The following SLC38A9 variants were observed in gnomAD, a reference collection of about 807,000 sequenced individuals.
The protein encoded by SLC38A9 is neutral amino acid transporter 9.
A neutral mutation model predicts 62.3 loss-of-function variants in SLC38A9; 48 were observed. The observed-to-expected ratio is 0.77, with a 90% confidence interval of 0.61 to 0.98. The LOEUF is 0.98. Ranked by LOEUF, SLC38A9 falls within the 50% of genes least tolerant of loss-of-function variation. The pLI is 0.00. For synonymous variants in SLC38A9, 204 were observed against 227.7 expected, an observed-to-expected ratio of 0.90 and a Z score of 0.94; for missense variants, 541 against 679.8, an observed-to-expected ratio of 0.80 and a Z score of 2.27.
At chr5:55,712,176 C>T (rs1263170697) in intron 1 of SLC38A9, 41 bp downstream of exon 1, 1 of 152,454 alleles carries the variant, frequency 6.6e-6, no homozygotes, top group Non-Finnish European at 1.5e-5. Context: ...CTTCCCACCT[C>T]CCCGAGGGGC....
chr5:55,649,359 T>C (rs993166253), intron 10 of SLC38A9, 45 bp from the exon 11 acceptor site: 6 of 1,191,064 alleles, frequency 5.0e-6, no homozygotes, highest in Non-Finnish European at 7.1e-6. Context: ...TTTGTGTGTT[T>C]TACAGATTAT....
intron 2 of SLC38A9, among the ~76,000 whole-genome samples, chr5:55,700,359 C>CAAAAAAAAAAAAAAAAGAAAAA (rs145225219): frequency 7.2e-6 from 1 of 138,950 alleles, no homozygotes; most frequent in Non-Finnish European, 1.5e-5. Context: ...ATAAAACAAG[C>CAAAAAAAAAAAAAAAAGAAAAA]CAAAAAAAAA....
At chr5:55,672,347 G>C (rs777916037) in intron 4 of SLC38A9, among the ~76,000 whole-genome samples, 1 of 152,192 alleles carries the variant, frequency 6.6e-6, no homozygotes, top group Non-Finnish European at 1.5e-5. Flanking sequence ...AAAATCTCCA[G>C]GTTGTTGTCA....
chr5:55,685,045 T>C (rs536266815), intron 3 of SLC38A9, among the ~76,000 whole-genome samples: 3 of 152,354 alleles, frequency 2.0e-5, no homozygotes, highest in South Asian at 2.1e-4. Context: ...CTTTGTCTTC[T>C]TCCTGATTTA....
chr5:55,654,869 TCTCA>T (rs1276900431), intron 9 of SLC38A9, among the ~76,000 whole-genome samples: 1 of 152,062 alleles, frequency 6.6e-6, no homozygotes, highest in African/African-American at 2.4e-5. Flanking sequence ...TGAGACAGGA[TCTCA>T]CTCACTCAGG....
At chr5:55,698,803 T>G (rs1158364733) in intron 2 of SLC38A9, among the ~76,000 whole-genome samples, 1 of 151,786 alleles carries the variant, frequency 6.6e-6, no homozygotes, top group Admixed American at 6.6e-5. Context: ...TGGTGGCACA[T>G]GCCTGTAGTC....
chr5:55,660,519 C>T (rs745975535), intron 8 of SLC38A9, among the ~76,000 whole-genome samples: 1 of 152,248 alleles, frequency 6.6e-6, no homozygotes, highest in Middle Eastern at 3.4e-3. Context: ...TGGAAATGTT[C>T]TATTTCTTGA....
At chr5:55,674,433 C>T (rs571784917) in intron 3 of SLC38A9, among the ~76,000 whole-genome samples, 1 of 152,098 alleles carries the variant, frequency 6.6e-6, no homozygotes, top group Non-Finnish European at 1.5e-5. Context: ...AGATTAATGA[C>T]GTTATCTTGG....
intron 9 of SLC38A9, among the ~76,000 whole-genome samples, chr5:55,653,987 A>C (rs1217984841): frequency 6.6e-6 from 1 of 151,974 alleles, no homozygotes; most frequent in Non-Finnish European, 1.5e-5. Flanking sequence ...ACTGATCTAC[A>C]AGTGGCAATT....
At chr5:55,662,686 C>CAA (rs1491345220) in intron 8 of SLC38A9, among the ~76,000 whole-genome samples, 373 of 41,838 alleles carry the variant, frequency 8.9e-3, no homozygotes, top group African/African-American at 0.021. Context: ...CAAAAAAAAA[C>CAA]CAAAAAAAAA....
intron 2 of SLC38A9, among the ~76,000 whole-genome samples, chr5:55,711,084 G>A (rs918990614): frequency 2.0e-5 from 3 of 151,848 alleles, no homozygotes; most frequent in Admixed American, 2.0e-4. Context: ...CTTGAGATCA[G>A]GAGTTCAAGA....
At chr5:55,660,896 C>A (rs1387802396) in intron 8 of SLC38A9, among the ~76,000 whole-genome samples, 2 of 151,932 alleles carry the variant, frequency 1.3e-5, no homozygotes, top group African/African-American at 4.8e-5. Flanking sequence ...TTAAAAATGA[C>A]GGAATGTTGA....
At chr5:55,659,520 A>C (rs1329613881) in intron 8 of SLC38A9, among the ~76,000 whole-genome samples, 1 of 150,204 alleles carries the variant, frequency 6.7e-6, no homozygotes, top group Non-Finnish European at 1.5e-5. Context: ...CCTGAGTAGC[A>C]GTGATTACAG....
rs35843566 is a variant in SLC38A9, at chr5:55,649,117, TAA to T, written c.1060+88_1060+89del. 409 of 559,182 alleles carry T rather than the reference TAA, an allele frequency of 7.3e-4. 3 individuals carry two copies. Among genetic ancestry groups the T allele is most frequent in the South Asian group, 9.0e-4 (18 of 19,980 alleles). The allele number at this position is 559,182 out of a possible 1,614,324, so 34.6% of individuals were successfully genotyped here. On this transcript the variant is annotated intron_variant, in intron 11 of 15. Coordinates refer to ENST00000396865, the MANE Select transcript of SLC38A9 (RefSeq NM_173514.4). The stretch of plus-strand genomic sequence containing the variant: ...ATAGCATTTATAAAAATGCTCAGCA[TAA>T]AAAAAAAATCATTACTTGTTTTAGA...
intron 14 of SLC38A9, among the ~76,000 whole-genome samples, chr5:55,629,016 A>T (rs1167467655): frequency 2.0e-5 from 3 of 151,820 alleles, no homozygotes; most frequent in Non-Finnish European, 4.4e-5. Context: ...TTAGTCATAT[A>T]CCCTGATGAA....
intron 3 of SLC38A9, among the ~76,000 whole-genome samples, chr5:55,677,926 T>TGTGTGTGTGTGTGTGTGTGTGTG (rs1554062822): frequency 0.015 from 1,650 of 112,166 alleles, 184 homozygotes; most frequent in Non-Finnish European, 0.021. Context: ...TTTTTCTTTA[T>TGTGTGTGTGTGTGTGTGTGTGTG]TGTGTGTGTG....
intron 13 of SLC38A9, chr5:55,634,811 C>T (rs1020678379): frequency 6.6e-6 from 1 of 152,152 alleles, no homozygotes; most frequent in East Asian, 1.9e-4. Flanking sequence ...GGAATTTCTT[C>T]TGACCAGAAA....
At chr5:55,649,697 C>T (rs181677292) in intron 10 of SLC38A9, among the ~76,000 whole-genome samples, 43 of 152,176 alleles carry the variant, frequency 2.8e-4, no homozygotes, top group African/African-American at 9.6e-4. Context: ...TGGCACACGC[C>T]TATAATCACA....
At chr5:55,643,395 T>C (rs1745755896) in intron 12 of SLC38A9, among the ~76,000 whole-genome samples, 1 of 152,252 alleles carries the variant, frequency 6.6e-6, no homozygotes, top group Non-Finnish European at 1.5e-5. Flanking sequence ...TTAGAGAACA[T>C]ACTCTGTATG....
Sources: allele counts gnomAD v4.1 joint callset (sites outside exome capture counted in the v4.1 genomes callset), GRCh38; gene constraint gnomAD v4.1.1; transcripts MANE v1.5; gene names NCBI Gene and HGNC (gene_info 2026-07-23, HGNC 2026-07-21).